AOAH: variants seen among roughly 807,000 people sequenced by gnomAD.
The protein encoded by AOAH is acyloxyacyl hydrolase, also known as acyloxyacyl hydrolase (neutrophil).
Under a neutral mutation model 92.2 loss-of-function variants are expected in AOAH, and 64 were observed. The ratio of observed to expected loss-of-function variants is 0.69; its 90% CI spans 0.57 to 0.86. The LOEUF (loss-of-function observed/expected upper bound fraction) is 0.86. Among genes scored for constraint, AOAH ranks in the 40% least tolerant of loss-of-function variants. The probability of loss-of-function intolerance (pLI) is 0.00; values close to 1 mark genes in which losing one functional copy is unlikely to be tolerated. For missense variants in AOAH, 656 were observed against 694.6 expected, an observed-to-expected ratio of 0.94 and a Z score of 0.62; for synonymous variants, 263 against 254.5, an observed-to-expected ratio of 1.03 and a Z score of -0.32.
chr7:36,647,837 CT>C (rs200177551), intron 4 of AOAH, among the ~76,000 whole-genome samples: 600 of 144,794 alleles, frequency 4.1e-3, no homozygotes, highest in Admixed American at 7.2e-3. Context: ...CCTTAGAGTT[CT>C]TTTTTTTTTT....
chr7:36,597,896 G>C (rs976356960), intron 11 of AOAH: 3 of 152,132 alleles, frequency 2.0e-5, no homozygotes, highest in African/African-American at 7.2e-5. Flanking sequence ...CAAATACAAA[G>C]AAGAAACACA....
chr7:36,626,782 G>GT (rs1409655099), intron 6 of AOAH, among the ~76,000 whole-genome samples: 1 of 152,072 alleles, frequency 6.6e-6, no homozygotes. Context: ...TTGTTTGTTT[G>GT]TTTTTGTGTT....
At chr7:36,618,204 C>T (rs777465605) in intron 10 of AOAH, 93 bp downstream of exon 10, 248 of 1,052,630 alleles carry the variant, frequency 2.4e-4, no homozygotes, top group Non-Finnish European at 3.2e-4. Context: ...GCATCAAGCA[C>T]GTTCTGACTT....
intron 1 of AOAH, among the ~76,000 whole-genome samples, chr7:36,696,663 C>T (rs370706134): frequency 3.4e-4 from 52 of 152,172 alleles, no homozygotes; most frequent in African/African-American, 1.2e-3. Flanking sequence ...AGTTCAAGAC[C>T]AGCCTGGCTA....
At chr7:36,560,900 G>T (rs1787210918) in intron 13 of AOAH, among the ~76,000 whole-genome samples, 1 of 152,258 alleles carries the variant, frequency 6.6e-6, no homozygotes. Context: ...TGTGCATTTT[G>T]TTCCTTTACC....
At chr7:36,631,272 G>A (rs1311239007) in intron 6 of AOAH, among the ~76,000 whole-genome samples, 2 of 151,984 alleles carry the variant, frequency 1.3e-5, no homozygotes, top group East Asian at 1.9e-4. Flanking sequence ...GCTTGACCAC[G>A]GGAGGCAGAG....
chr7:36,587,890 T>C (rs753291963), intron 12 of AOAH, among the ~76,000 whole-genome samples: 1 of 152,210 alleles, frequency 6.6e-6, no homozygotes, highest in Non-Finnish European at 1.5e-5. Context: ...ATCTGCCATA[T>C]ATCCAAGTCT....
At chr7:36,632,268 C>T (rs530069085) in intron 5 of AOAH, among the ~76,000 whole-genome samples, 162 bp from the exon 6 acceptor site, 10 of 152,150 alleles carry the variant, frequency 6.6e-5, no homozygotes, top group Non-Finnish European at 1.3e-4. Flanking sequence ...TCCCCACCAT[C>T]CATATCCATG....
chr7:36,625,257 T>C (rs1308182122), intron 6 of AOAH, among the ~76,000 whole-genome samples: 1 of 152,326 alleles, frequency 6.6e-6, no homozygotes, highest in Non-Finnish European at 1.5e-5. Context: ...CAAGTGCTCT[T>C]GCCAGATACT....
intron 1 of AOAH, among the ~76,000 whole-genome samples, chr7:36,700,428 CTT>C (rs1373835825): frequency 1.3e-5 from 2 of 152,002 alleles, no homozygotes; most frequent in Admixed American, 1.3e-4. Context: ...TAATATCTGA[CTT>C]TGTGTTTCTG....
chr7:36,616,243 G>A, intron 11 of AOAH, 137 bp downstream of exon 11: 1 of 695,700 alleles, frequency 1.4e-6, no homozygotes, highest in Non-Finnish European at 2.5e-6. Context: ...AATGACTGTG[G>A]ATATGCCTTT....
rs141224066 is a variant in AOAH at position 36,567,595 on chromosome 7, C to T, written c.1021+8979G>A. 4.3e-3 allele frequency among the ~76,000 whole-genome samples: 659 copies of T among 152,314 alleles called. 5 individuals carry two copies. The highest frequency in any genetic ancestry group is 0.014 in the African/African-American group (572 of 41,588). ...CAGCTAAATTCACACATTCTGCTAA[C>T]GGATAGCCCTGGAGAATTGGGCCCT... On this transcript the variant is annotated intron_variant, in intron 13 of 20. Coordinates refer to ENST00000617537, the MANE Select transcript of AOAH (RefSeq NM_001637.4).
chr7:36,526,180 A>G (rs1375580733), intron 19 of AOAH, among the ~76,000 whole-genome samples: 1 of 152,244 alleles, frequency 6.6e-6, no homozygotes, highest in Admixed American at 6.5e-5. Context: ...TGCTTGCCAT[A>G]TAAAATAATA....
intron 13 of AOAH, 55 bp from the exon 14 acceptor site, chr7:36,549,530 A>G: frequency 1.6e-6 from 2 of 1,231,368 alleles, no homozygotes; most frequent in Non-Finnish European, 2.4e-6. Flanking sequence ...ATTTCACACT[A>G]TCAATATGGG....
chr7:36,626,077 C>T (rs1792640540), intron 6 of AOAH, among the ~76,000 whole-genome samples: 1 of 152,178 alleles, frequency 6.6e-6, no homozygotes, highest in South Asian at 2.1e-4. Flanking sequence ...CAGTTTTCCC[C>T]ATGTATGTAT....
chr7:36,580,607 T>G (rs1206931093), intron 12 of AOAH, among the ~76,000 whole-genome samples: 1 of 152,236 alleles, frequency 6.6e-6, no homozygotes, highest in Non-Finnish European at 1.5e-5. Flanking sequence ...TTTCTGTATT[T>G]TCTTTCATGT....
chr7:36,512,993 C>G lies in AOAH; in HGVS notation c.*259G>C. On this transcript the variant is annotated 3_prime_UTR_variant, in exon 21 of 21. Transcript: ENST00000617537. ...ATTAGCTGTAAAGGGCACAGATACT[C>G]TCTTGTTTGGAATGGCACCCAAAGC... 3 of 1,467,872 alleles carry G rather than the reference C, an allele frequency of 2.0e-6. No individual in the cohort carries two copies. The highest frequency in any genetic ancestry group is 1.2e-5 in the South Asian group (1 of 80,282). 90.9% of individuals were successfully genotyped at this position (1,467,872 alleles called of 1,614,324 possible). A position where few individuals can be genotyped will look rare whatever the true frequency, so the allele number is the denominator to read the frequency against.
intron 13 of AOAH, among the ~76,000 whole-genome samples, chr7:36,561,777 G>A (rs952101386): frequency 1.3e-5 from 2 of 152,104 alleles, no homozygotes; most frequent in Non-Finnish European, 2.9e-5. Context: ...CATTATCTAG[G>A]GTACAGCTGG....
intron 12 of AOAH, among the ~76,000 whole-genome samples, chr7:36,592,095 T>C (rs1425787722): frequency 1.3e-5 from 2 of 152,244 alleles, no homozygotes; most frequent in African/African-American, 4.8e-5. Context: ...CAGTAAACTG[T>C]GTTCATTGTT....
Sources: gnomAD v4.1 joint callset for allele counts (sites outside exome capture counted in the v4.1 genomes callset) on GRCh38, gnomAD v4.1.1 for gene constraint, MANE v1.5 for transcripts, NCBI Gene and HGNC (gene_info 2026-07-23, HGNC 2026-07-21) for gene names.